Variants in CSNK1G1 observed in about 807,000 individuals in gnomAD.
The protein encoded by CSNK1G1 is casein kinase I isoform gamma-1.
Under a neutral mutation model 59.6 loss-of-function variants are expected in CSNK1G1, and 22 were observed. That is an observed-to-expected ratio of 0.37 (90% CI 0.26 to 0.53). CSNK1G1 has a LOEUF of 0.53. CSNK1G1 is among the 20% of genes least tolerant of loss of function. The pLI, the probability that CSNK1G1 is intolerant of heterozygous loss-of-function variation, is 0.89. For missense variants in CSNK1G1, 384 were observed against 519.5 expected (o/e 0.74, Z 2.54); for synonymous variants, 179 against 177.1 (o/e 1.01, Z -0.08).
At chr15:64,311,039 T>C (rs935654148) in intron 1 of CSNK1G1, among the ~76,000 whole-genome samples, 2 of 150,376 alleles carry the variant, frequency 1.3e-5, no homozygotes, top group Admixed American at 6.6e-5. Context: ...AAAACATATA[T>C]ACATATGCAT....
intron 1 of CSNK1G1, 80 bp downstream of exon 1, chr15:64,355,908 G>GC (rs1409959225): frequency 3.3e-5 from 5 of 150,862 alleles, no homozygotes; most frequent in African/African-American, 4.9e-5. Context: ...CCAGGAAAGG[G>GC]CCCCCCACCA....
chr15:64,352,481 C>CTTTTTTTT (rs1555405868), intron 1 of CSNK1G1, among the ~76,000 whole-genome samples: 4 of 52,876 alleles, frequency 7.6e-5, no homozygotes, highest in African/African-American at 2.1e-4. Context: ...TGGAGTTTTG[C>CTTTTTTTT]TCTTGCCCAG....
At chr15:64,314,983 A>C (rs986984180) in intron 1 of CSNK1G1, among the ~76,000 whole-genome samples, 1 of 152,242 alleles carries the variant, frequency 6.6e-6, no homozygotes, top group African/African-American at 2.4e-5. Flanking sequence ...AATCTTTTGG[A>C]TAAATACCCA....
In CSNK1G1 at chr15:64,322,321, T is replaced by A. The variant is rs75935756; in HGVS notation, c.-224-21598A>T. On this transcript the variant is annotated intron_variant, in intron 1 of 11. Coordinates refer to ENST00000303052, the MANE Select transcript of CSNK1G1 (RefSeq NM_022048.5). ...ACATACTATACTCTCAATTGGTACA[T>A]GCAAGCAAAACAAGTTTTCTTTTCT... Among the ~76,000 whole-genome samples the A allele has an allele frequency of 6.7e-3, 1,019 of 152,190 alleles. 15 individuals are homozygous for A. Among genetic ancestry groups the A allele is most frequent in the African/African-American group, 0.023 (936 of 41,554 alleles).
At chr15:64,182,061 T>TTTTTTG (rs2081823711) in intron 10 of CSNK1G1, among the ~76,000 whole-genome samples, 1 of 134,202 alleles carries the variant, frequency 7.5e-6, no homozygotes, top group African/African-American at 3.0e-5. Flanking sequence ...CCGTTTTTTT[T>TTTTTTG]TTTTTTTTTT....
intron 10 of CSNK1G1, chr15:64,181,076 C>A: frequency 7.9e-7 from 1 of 1,268,940 alleles, no homozygotes; most frequent in South Asian, 1.6e-5. Context: ...CAGAAATTTC[C>A]TCATGGCTTT....
At chr15:64,287,011 T>C (rs1198370602) in intron 2 of CSNK1G1, among the ~76,000 whole-genome samples, 1 of 152,218 alleles carries the variant, frequency 6.6e-6, no homozygotes, top group Non-Finnish European at 1.5e-5. Flanking sequence ...ATGACTATCA[T>C]CTTTGTATTA....
At chr15:64,318,621 T>A (rs1896397534) in intron 1 of CSNK1G1, among the ~76,000 whole-genome samples, 2 of 151,446 alleles carry the variant, frequency 1.3e-5, no homozygotes, top group South Asian at 2.1e-4. Flanking sequence ...ATCTTTTTTT[T>A]TTTTTTTGAG....
At chr15:64,189,533 A>G in intron 10 of CSNK1G1, 1 of 1,129,064 alleles carries the variant, frequency 8.9e-7, no homozygotes, top group Non-Finnish European at 1.1e-6. Context: ...GGATTAGTAA[A>G]TCAAATTTTA....
intron 10 of CSNK1G1, among the ~76,000 whole-genome samples, chr15:64,186,269 G>A (rs1193745586): frequency 1.3e-5 from 2 of 152,094 alleles, no homozygotes; most frequent in Non-Finnish European, 2.9e-5. Flanking sequence ...ACCACGCCCA[G>A]CTAATTTTTT....
intron 1 of CSNK1G1, among the ~76,000 whole-genome samples, chr15:64,303,456 A>C (rs1404575066): frequency 1.3e-5 from 2 of 151,742 alleles, no homozygotes; most frequent in Admixed American, 6.6e-5. Flanking sequence ...GTCTACAAAA[A>C]ATTTAAAAAT....
intron 4 of CSNK1G1, among the ~76,000 whole-genome samples, chr15:64,232,172 C>T (rs569627300): frequency 1.3e-5 from 2 of 152,278 alleles, no homozygotes; most frequent in East Asian, 1.9e-4. Context: ...AATGCAGAAT[C>T]GTGCAGATCT....
intron 2 of CSNK1G1, among the ~76,000 whole-genome samples, chr15:64,271,263 C>T (rs1463910806): frequency 6.6e-6 from 1 of 151,902 alleles, no homozygotes; most frequent in Non-Finnish European, 1.5e-5. Flanking sequence ...GCTGGGATTA[C>T]AGGTGTGAGC....
At chr15:64,206,746 T>C (rs1426658394) in intron 7 of CSNK1G1, among the ~76,000 whole-genome samples, 1 of 152,152 alleles carries the variant, frequency 6.6e-6, no homozygotes, top group African/African-American at 2.4e-5. Context: ...ACCACTGTAC[T>C]GACACCTACC....
chr15:64,336,465 A>G (rs1488315440), intron 1 of CSNK1G1, among the ~76,000 whole-genome samples: 1 of 152,194 alleles, frequency 6.6e-6, no homozygotes, highest in African/African-American at 2.4e-5. Context: ...ATAAATTTAA[A>G]TAATAATTTT....
intron 1 of CSNK1G1, among the ~76,000 whole-genome samples, chr15:64,306,083 C>T (rs138766248): frequency 8.7e-4 from 132 of 152,248 alleles, no homozygotes; most frequent in African/African-American, 3.0e-3. Flanking sequence ...TCGGGTTTGA[C>T]AATGACTTCT....
At chr15:64,172,579 G>A (rs1308361596) in intron 11 of CSNK1G1, among the ~76,000 whole-genome samples, 5 of 151,482 alleles carry the variant, frequency 3.3e-5, no homozygotes, top group Non-Finnish European at 5.9e-5. Flanking sequence ...TAATAATGAC[G>A]GTGAGCCACA....
chr15:64,212,123 A>G (rs1205443667), intron 6 of CSNK1G1, among the ~76,000 whole-genome samples: 1 of 152,226 alleles, frequency 6.6e-6, no homozygotes, highest in African/African-American at 2.4e-5. Flanking sequence ...GTGAAGCATT[A>G]CCCTCATTTT....
At chr15:64,354,254 G>A (rs1424037745) in intron 1 of CSNK1G1, among the ~76,000 whole-genome samples, 1 of 152,136 alleles carries the variant, frequency 6.6e-6, no homozygotes, top group Non-Finnish European at 1.5e-5. Context: ...GCACTGAGCC[G>A]AGATCGTGCC....
Sources: gnomAD v4.1 joint callset for allele counts (sites outside exome capture counted in the v4.1 genomes callset) on GRCh38, gnomAD v4.1.1 for gene constraint, MANE v1.5 for transcripts, NCBI Gene and HGNC (gene_info 2026-07-23, HGNC 2026-07-21) for gene names.